The following DENND1A variants were observed in gnomAD, a reference collection of about 807,000 sequenced individuals.
DENND1A encodes the protein DENN domain-containing protein 1A.
Under a neutral mutation model 113.7 loss-of-function variants are expected in DENND1A, and 51 were observed. The ratio of observed to expected loss-of-function variants is 0.45; its 90% confidence interval spans 0.36 to 0.57. The LOEUF is 0.57. DENND1A is among the 20% of genes least tolerant of loss of function. The probability of loss-of-function intolerance (pLI) is 0.00; values close to 1 mark genes in which losing one functional copy is unlikely to be tolerated. For synonymous variants in DENND1A, 565 were observed against 570.8 expected (o/e 0.99, Z 0.14); for missense variants, 1,258 against 1,395.9 (o/e 0.90, Z 1.57).
intron 10 of DENND1A, among the ~76,000 whole-genome samples, chr9:123,612,744 C>T (rs868496588): frequency 2.6e-5 from 4 of 152,042 alleles, no homozygotes; most frequent in African/African-American, 4.8e-5. Context: ...TCCTAGACAC[C>T]GAATTACTAA....
intron 5 of DENND1A, among the ~76,000 whole-genome samples, chr9:123,737,669 G>A (rs1485591501): frequency 1.3e-5 from 2 of 151,984 alleles, no homozygotes; most frequent in Non-Finnish European, 2.9e-5. Context: ...TCCCCAAAAT[G>A]AAATTTCAAA....
At chr9:123,885,602 C>T (rs1001646904) in intron 1 of DENND1A, among the ~76,000 whole-genome samples, 23 of 152,206 alleles carry the variant, frequency 1.5e-4, no homozygotes, top group African/African-American at 4.8e-4. Context: ...CTCTTAAACA[C>T]TGAAAAATGG....
chr9:123,559,359 G>A (rs910433565), intron 12 of DENND1A, among the ~76,000 whole-genome samples: 21 of 152,188 alleles, frequency 1.4e-4, no homozygotes, highest in African/African-American at 4.8e-5. Flanking sequence ...AATTCTGTAA[G>A]AGACCAGCTA....
chr9:123,606,586 A>G (rs1199628357), intron 11 of DENND1A, among the ~76,000 whole-genome samples: 1 of 152,262 alleles, frequency 6.6e-6, no homozygotes, highest in Admixed American at 6.5e-5. Flanking sequence ...AAAAAGTAAA[A>G]AATTCACTTC....
intron 5 of DENND1A, among the ~76,000 whole-genome samples, chr9:123,733,170 G>A (rs980668392): frequency 9.2e-5 from 14 of 152,018 alleles, no homozygotes; most frequent in African/African-American, 2.7e-4. Flanking sequence ...TAGTAGAGAC[G>A]GGGTTTCTCC....
At chr9:123,641,792 G>A (rs1272183577) in intron 9 of DENND1A, among the ~76,000 whole-genome samples, 2 of 152,188 alleles carry the variant, frequency 1.3e-5, no homozygotes, top group African/African-American at 2.4e-5. Context: ...TCCAAATCAG[G>A]CTGTGTATCA....
At chr9:123,913,534 AG>A (rs1854456668) in intron 1 of DENND1A, among the ~76,000 whole-genome samples, 1 of 152,192 alleles carries the variant, frequency 6.6e-6, no homozygotes, top group Non-Finnish European at 1.5e-5. Flanking sequence ...ATACAATAAA[AG>A]CAAATAATGC....
chr9:123,528,082 G>A (rs1448216044), intron 13 of DENND1A, among the ~76,000 whole-genome samples: 1 of 152,184 alleles, frequency 6.6e-6, no homozygotes, highest in East Asian at 1.9e-4. Flanking sequence ...ACATTTTGGG[G>A]AACATGAGAA....
intron 2 of DENND1A, among the ~76,000 whole-genome samples, chr9:123,846,936 T>C (rs73571752): frequency 0.033 from 4,986 of 152,266 alleles, 269 homozygotes; most frequent in African/African-American, 0.11. Context: ...ATGGGCAAAT[T>C]GTATGGTTTG....
intron 1 of DENND1A, among the ~76,000 whole-genome samples, chr9:123,927,887 A>C (rs1039468312): frequency 2.0e-5 from 3 of 152,224 alleles, no homozygotes; most frequent in African/African-American, 4.8e-5. Flanking sequence ...AGGAGCACTT[A>C]AGTGGGTAAT....
chr9:123,841,692 G>A (rs919751860), intron 2 of DENND1A, among the ~76,000 whole-genome samples: 3 of 152,164 alleles, frequency 2.0e-5, no homozygotes, highest in Non-Finnish European at 4.4e-5. Context: ...AGTGAGACCT[G>A]AAGGAATTGG....
At chr9:123,406,369 T>TG (rs1265907589) in intron 20 of DENND1A, among the ~76,000 whole-genome samples, 1 of 152,350 alleles carries the variant, frequency 6.6e-6, no homozygotes, top group Non-Finnish European at 1.5e-5. Context: ...TGGTACACAA[T>TG]GGGGGCTCAA....
chr9:123,929,810 G>A, intron 1 of DENND1A, 79 bp downstream of exon 1: 1 of 178,464 alleles, frequency 5.6e-6, no homozygotes, highest in Non-Finnish European at 1.1e-5. Context: ...AGTCCCCCGC[G>A]CGGCCCGCGG....
chr9:123,441,719 ATATT>A (rs1419113260), intron 18 of DENND1A, among the ~76,000 whole-genome samples: 1 of 152,238 alleles, frequency 6.6e-6, no homozygotes, highest in Non-Finnish European at 1.5e-5. Context: ...GTACAAATAA[ATATT>A]TAAATAATCA....
At chr9:123,893,425 T>C (rs935470130) in intron 1 of DENND1A, among the ~76,000 whole-genome samples, 2 of 152,260 alleles carry the variant, frequency 1.3e-5, no homozygotes, top group African/African-American at 4.8e-5. Flanking sequence ...GGACATGCGA[T>C]GCAAGACTAT....
intron 19 of DENND1A, chr9:123,437,882 G>A (rs1165162517): frequency 6.6e-6 from 1 of 152,126 alleles, no homozygotes; most frequent in East Asian, 1.9e-4. Context: ...CTACGTGAGT[G>A]CATTAGGTGA....
chr9:123,764,929 A>C lies in DENND1A; in HGVS notation c.182+4585T>G, dbSNP rs1231478930. On this transcript the variant is annotated intron_variant, in intron 4 of 23. Transcript: ENST00000394215. The surrounding 1 kb of genome is among the most constrained non-coding windows in gnomAD (Gnocchi z 4.1). ...GCTTCGTTGTCATCAACACTGTAGAAAATAATCATGGGGCACAGCTGAACC... is the reference window on the plus strand; with the variant it reads ...GCTTCGTTGTCATCAACACTGTAGACAATAATCATGGGGCACAGCTGAACC... 1.3e-5 allele frequency among the ~76,000 whole-genome samples: 2 copies of C among 152,150 alleles called. No homozygotes were observed. Among genetic ancestry groups the C allele is most frequent in the African/African-American group, 4.8e-5 (2 of 41,430 alleles).
At chr9:123,451,256 T>G (rs2047700781) in intron 17 of DENND1A, among the ~76,000 whole-genome samples, 1 of 152,236 alleles carries the variant, frequency 6.6e-6, no homozygotes, top group Non-Finnish European at 1.5e-5. Flanking sequence ...ATTTTAGACC[T>G]GTGTGGTTCT....
chr9:123,700,154 A>G (rs1193922024), intron 5 of DENND1A, among the ~76,000 whole-genome samples: 3 of 152,234 alleles, frequency 2.0e-5, no homozygotes, highest in Non-Finnish European at 2.9e-5. Flanking sequence ...TAGCTCTACA[A>G]TAAAACTGGA....
Sources: gnomAD v4.1 joint callset for allele counts (sites outside exome capture counted in the v4.1 genomes callset) on GRCh38, gnomAD v4.1.1 for gene constraint, Gnocchi (gnomAD v3.1) non-coding constraint, MANE v1.5 for transcripts, NCBI Gene and HGNC (gene_info 2026-07-23, HGNC 2026-07-21) for gene names.